RAB3IL1: variants seen among roughly 807,000 people sequenced by gnomAD.
RAB3IL1 encodes the protein RAB3A interacting protein like 1, also known as guanine nucleotide exchange factor for Rab-3A.
Under a neutral mutation model 49.2 loss-of-function variants are expected in RAB3IL1, and 37 were observed. The ratio of observed to expected loss-of-function variants is 0.75; its 90% CI spans 0.58 to 0.99. The LOEUF (loss-of-function observed/expected upper bound fraction) is 0.99, where lower values mean the gene tolerates loss of function less well. Ranked by LOEUF, RAB3IL1 falls within the 50% of genes least tolerant of loss-of-function variation. RAB3IL1 has a pLI of 0.00. For synonymous variants in RAB3IL1, 193 were observed against 213.9 expected, an observed-to-expected ratio of 0.90 and a Z score of 0.85; for missense variants, 484 against 513.0, an observed-to-expected ratio of 0.94 and a Z score of 0.55.
chr11:61,917,235 C>T, intron 1 of RAB3IL1, 122 bp downstream of exon 1: 2 of 1,278,436 alleles, frequency 1.6e-6, no homozygotes, highest in South Asian at 2.2e-5. Context: ...GCAGGCAGGG[C>T]GGGGGCGCAC....
chr11:61,912,156 G>A (rs141582550), intron 1 of RAB3IL1, among the ~76,000 whole-genome samples: 190 of 152,306 alleles, frequency 1.2e-3, no homozygotes, highest in African/African-American at 4.5e-3. Flanking sequence ...GAAACTGGAC[G>A]AAGGAGACGG....
Position 61,897,622 on chromosome 11 carries a change from G to T in RAB3IL1, c.*656C>A. 6.6e-6 allele frequency: 1 copy of T among 152,478 alleles called. No homozygotes were observed. 9.4% of individuals were successfully genotyped at this position (152,478 alleles called of 1,614,324 possible). ...CAGGAGCACAGGGCTGAGACGGGGT[G>T]GGAGGGAAGGTGACAAGGGAGGCCT... On this transcript the variant is annotated 3_prime_UTR_variant, in exon 10 of 10. Coordinates refer to ENST00000394836, the MANE Select transcript of RAB3IL1 (RefSeq NM_013401.4).
rs943311322 is a variant in RAB3IL1 at position 61,898,743 on chromosome 11, G to A, written c.1067-383C>T. 2 of 478,386 alleles carry A rather than the reference G, an allele frequency of 4.2e-6. No homozygotes were observed. Among genetic ancestry groups the A allele is most frequent in the East Asian group, 6.4e-5 (1 of 15,746 alleles). 29.6% of individuals were successfully genotyped at this position (478,386 alleles called of 1,614,324 possible). A position where few individuals can be genotyped will look rare whatever the true frequency, so the allele number is the denominator to read the frequency against. The stretch of plus-strand genomic sequence containing the variant: ...TGCGCAGTGAGGCGGGGACCACAGC[G>A]GCCATCCAGGGACCTAGCAGGTGTC... On this transcript the variant is annotated intron_variant, in intron 9 of 9. Coordinates refer to ENST00000394836, the MANE Select transcript of RAB3IL1 (RefSeq NM_013401.4). The surrounding 1 kb of genome is among the most constrained non-coding windows in gnomAD (Gnocchi z 5.1).
chr11:61,909,208 C>T (rs898101465), intron 1 of RAB3IL1, among the ~76,000 whole-genome samples: 6 of 151,388 alleles, frequency 4.0e-5, no homozygotes, highest in Non-Finnish European at 7.4e-5. Context: ...GGGGGCTGGG[C>T]GGGCCACTGA....
rs116512779 is a variant in RAB3IL1 at position 61,905,239 on chromosome 11, A to G, written c.658-357T>C. ...AGGCCACAGGTACCAGCAGGTACAC[A>G]AGCACACACAAGCACGTGCACACAG... is the stretch of plus-strand genomic sequence containing the variant. On this transcript the variant is annotated intron_variant, in intron 5 of 9. Transcript: ENST00000394836. Among the ~76,000 whole-genome samples the G allele has an allele frequency of 5.7e-3, 868 of 152,302 alleles. 9 individuals carry two copies. The highest frequency in any genetic ancestry group is 0.02 in the African/African-American group (835 of 41,560).
At chr11:61,928,894 A>C in the RAB3IL1 span, among the ~76,000 whole-genome samples, 1 of 152,234 alleles carries the variant, frequency 6.6e-6, no homozygotes. Flanking sequence ...CACACAACAG[A>C]TTTAGATGCT....
At chr11:61,912,548 G>C (rs1478698847) in intron 1 of RAB3IL1, among the ~76,000 whole-genome samples, 1 of 152,228 alleles carries the variant, frequency 6.6e-6, no homozygotes, top group Non-Finnish European at 1.5e-5. Context: ...GGAAGCTCGG[G>C]ACAATTGCAG....
chr11:61,898,372 G>T lies in RAB3IL1; in HGVS notation c.1067-12C>A. The T allele has an allele frequency of 6.2e-7, 1 of 1,612,768 alleles. No individual in the cohort carries two copies. On this transcript the variant is annotated splice_polypyrimidine_tract_variant and intron_variant, in intron 9 of 9. Coordinates refer to ENST00000394836, the MANE Select transcript of RAB3IL1 (RefSeq NM_013401.4). The surrounding 1 kb of genome is among the most constrained non-coding windows in gnomAD (Gnocchi z 5.1). ...GAACATGGGCTCTGCTGCAGGCAGAGAGAGGGTGAACAGGTCGGGGACAGC... is the reference window on the plus strand; with the variant it reads ...GAACATGGGCTCTGCTGCAGGCAGATAGAGGGTGAACAGGTCGGGGACAGC...
At chr11:61,907,744 C>T in intron 2 of RAB3IL1, 84 bp from the exon 3 acceptor site, 1 of 1,242,568 alleles carries the variant, frequency 8.0e-7, no homozygotes, top group Non-Finnish European at 1.2e-6. Flanking sequence ...GACCAGGTTC[C>T]ATCCCCTCGT....
At chr11:61,934,446 G>GTGTGTATA in the RAB3IL1 span, among the ~76,000 whole-genome samples, 17 of 24,398 alleles carry the variant, frequency 7.0e-4, no homozygotes, top group East Asian at 3.6e-3. Flanking sequence ...GTGTGTGTGT[G>GTGTGTATA]TATGTATATA....
At chr11:61,926,067 G>A in the RAB3IL1 span, among the ~76,000 whole-genome samples, 5 of 112,616 alleles carry the variant, frequency 4.4e-5, no homozygotes, top group East Asian at 1.3e-3. Context: ...AGATCTGTCC[G>A]CATTCAAATG....
chr11:61,921,607 C>T (rs1410360264), upstream of RAB3IL1, among the ~76,000 whole-genome samples: 4 of 152,170 alleles, frequency 2.6e-5, no homozygotes, highest in East Asian at 1.9e-4. Flanking sequence ...GACAAACACC[C>T]CCTGGAACTG....
At chr11:61,915,588 G>C (rs1398932205) in intron 1 of RAB3IL1, among the ~76,000 whole-genome samples, 1 of 152,154 alleles carries the variant, frequency 6.6e-6, no homozygotes, top group African/African-American at 2.4e-5. Context: ...CGGCAGACGA[G>C]GCTGCTCCCC....
chr11:61,941,155 G>C, the RAB3IL1 span, among the ~76,000 whole-genome samples: 1 of 151,860 alleles, frequency 6.6e-6, no homozygotes, highest in Non-Finnish European at 1.5e-5. Flanking sequence ...TACAGATACA[G>C]AAAGAATTAT....
chr11:61,918,099 T>C (rs1163654240), upstream of RAB3IL1, among the ~76,000 whole-genome samples: 1 of 152,114 alleles, frequency 6.6e-6, no homozygotes. Flanking sequence ...TGCCCATCCC[T>C]GCCTTTACTC....
At chr11:61,907,172 C>T (rs1939232467) in intron 4 of RAB3IL1, among the ~76,000 whole-genome samples, 1 of 152,230 alleles carries the variant, frequency 6.6e-6, no homozygotes, top group Non-Finnish European at 1.5e-5. Flanking sequence ...CCAGAAAAGG[C>T]TCTGCCATGC....
intron 6 of RAB3IL1, 40 bp downstream of exon 6, chr11:61,904,714 G>A: frequency 1.3e-6 from 2 of 1,582,780 alleles, no homozygotes; most frequent in Non-Finnish European, 1.7e-6. Flanking sequence ...CTGGCGGAGG[G>A]GTGTGTCCCC....
chr11:61,911,429 G>A (rs1031270215), intron 1 of RAB3IL1, among the ~76,000 whole-genome samples: 48 of 152,182 alleles, frequency 3.2e-4, no homozygotes, highest in Admixed American at 3.1e-3. Flanking sequence ...TTTCAAAGAA[G>A]GGACCCTGGG....
At chr11:61,920,146 C>T, upstream of RAB3IL1, 1 of 1,339,160 alleles carries the variant, frequency 7.5e-7, no homozygotes, top group South Asian at 1.9e-5. Flanking sequence ...GAACACGGGA[C>T]ATGTCCCTCG....
Sources: gnomAD v4.1 joint callset for allele counts (sites outside exome capture counted in the v4.1 genomes callset) on GRCh38, gnomAD v4.1.1 for gene constraint, Gnocchi (gnomAD v3.1) non-coding constraint, MANE v1.5 for transcripts, NCBI Gene and HGNC (gene_info 2026-07-23, HGNC 2026-07-21) for gene names.